Variants in GABRB2 observed in about 807,000 individuals in gnomAD.
The protein encoded by GABRB2 is gamma-aminobutyric acid type A receptor subunit beta2.
A neutral mutation model predicts 54.7 loss-of-function variants in GABRB2; 16 were observed. That is an observed-to-expected ratio of 0.29 (90% CI 0.20 to 0.44). The LOEUF (loss-of-function observed/expected upper bound fraction) is 0.44. Among genes scored for constraint, GABRB2 ranks in the 20% least tolerant of loss-of-function variants. The pLI, the probability that GABRB2 is intolerant of heterozygous loss-of-function variation, is 1.00. For synonymous variants in GABRB2, 244 were observed against 233.8 expected, an observed-to-expected ratio of 1.04 and a Z score of -0.40; for missense variants, 355 against 644.0, an observed-to-expected ratio of 0.55 and a Z score of 4.86.
intron 3 of GABRB2, among the ~76,000 whole-genome samples, chr5:161,490,207 C>T (rs1759058299): frequency 2.0e-5 from 3 of 151,718 alleles, no homozygotes; most frequent in South Asian, 2.1e-4. Flanking sequence ...TTTTGTGTTA[C>T]ACATGCCATG....
intron 3 of GABRB2, among the ~76,000 whole-genome samples, chr5:161,476,849 T>C (rs1000813208): frequency 2.0e-5 from 3 of 151,828 alleles, no homozygotes; most frequent in Non-Finnish European, 4.4e-5. Context: ...TAGAAGAAAG[T>C]ACAGAGAAAA....
chr5:161,409,937 C>A (rs765756604), intron 5 of GABRB2, among the ~76,000 whole-genome samples: 23 of 152,070 alleles, frequency 1.5e-4, no homozygotes, highest in Non-Finnish European at 2.8e-4. Context: ...TTCAAAAATA[C>A]ATGTAATTTA....
At chr5:161,478,247 A>T (rs189293300) in intron 3 of GABRB2, among the ~76,000 whole-genome samples, 1 of 152,156 alleles carries the variant, frequency 6.6e-6, no homozygotes, top group East Asian at 1.9e-4. Context: ...AAGGGAAGAC[A>T]TGTAAGGGAA....
intron 4 of GABRB2, among the ~76,000 whole-genome samples, chr5:161,434,390 A>G (rs1757254222): frequency 6.6e-6 from 1 of 152,212 alleles, no homozygotes; most frequent in South Asian, 2.1e-4. Flanking sequence ...ATTATCAGTG[A>G]CATCCCTTCC....
At chr5:161,366,863 G>A (rs1241285713) in intron 5 of GABRB2, among the ~76,000 whole-genome samples, 1 of 152,084 alleles carries the variant, frequency 6.6e-6, no homozygotes, top group African/African-American at 2.4e-5. Context: ...CTGGTGAATC[G>A]CTTGAACCTG....
chr5:161,409,768 C>T (rs776643834), intron 5 of GABRB2, among the ~76,000 whole-genome samples: 4 of 151,960 alleles, frequency 2.6e-5, no homozygotes, highest in Non-Finnish European at 2.9e-5. Flanking sequence ...AAATTGTAGC[C>T]GTAAGTTTAG....
chr5:161,440,759 A>G (rs1238268228), intron 4 of GABRB2, among the ~76,000 whole-genome samples: 1 of 152,184 alleles, frequency 6.6e-6, no homozygotes, highest in Admixed American at 6.6e-5. Context: ...TGGTACTGGC[A>G]TAGAAACAGA....
chr5:161,486,808 G>A (rs751846628), intron 3 of GABRB2, among the ~76,000 whole-genome samples: 6 of 151,886 alleles, frequency 4.0e-5, no homozygotes, highest in Non-Finnish European at 8.8e-5. Flanking sequence ...GCACTCTTCT[G>A]TTTTCCAAAT....
chr5:161,463,555 T>TAGATATATATATATA (rs1236064276), intron 3 of GABRB2, among the ~76,000 whole-genome samples: 5 of 23,710 alleles, frequency 2.1e-4, no homozygotes, highest in African/African-American at 7.1e-4. Flanking sequence ...ATATTTTTAT[T>TAGATATATATATATA]TATATATATA....
intron 3 of GABRB2, among the ~76,000 whole-genome samples, chr5:161,494,549 G>A (rs1424232154): frequency 7.3e-5 from 11 of 151,292 alleles, no homozygotes; most frequent in African/African-American, 1.5e-4. Flanking sequence ...GTGTGTGTGT[G>A]TGTGTGTGTG....
intron 9 of GABRB2, among the ~76,000 whole-genome samples, chr5:161,302,601 T>C (rs1757570872): frequency 6.6e-6 from 1 of 152,146 alleles, no homozygotes; most frequent in South Asian, 2.1e-4. Flanking sequence ...ATTGTAAAAA[T>C]CCAAGAAATC....
chr5:161,443,496 A>G (rs3923773), intron 4 of GABRB2, among the ~76,000 whole-genome samples: 64,874 of 152,038 alleles, frequency 0.43, 15,262 homozygotes, highest in African/African-American at 0.64. Context: ...ATAAATATTC[A>G]ACCTAAAACC....
Position 161,294,174 on chromosome 5 carries a change from A to G in GABRB2, c.1446T>C (p.Thr482=), listed in dbSNP as rs746941971. Residue 482 remains threonine (T), a synonymous_variant, in exon 10 of 10, where the codon ACT becomes ACC. Coordinates refer to ENST00000393959, the MANE Select transcript of GABRB2 (RefSeq NM_001371727.1). ...ACCACCGATCTATGGCATTCACATC[A>G]GTCAAGTCAGGGATGGTGATTTTCA... ...SQLKITIPDL[T]DVNAIDRWSR... 6.2e-7 allele frequency: 1 copy of G among 1,614,168 alleles called. No individual in the cohort carries two copies. The highest frequency in any genetic ancestry group is 8.5e-7 in the Non-Finnish European group (1 of 1,180,008).
chr5:161,532,071 A>G (rs1760479465), intron 3 of GABRB2, among the ~76,000 whole-genome samples: 1 of 152,240 alleles, frequency 6.6e-6, no homozygotes, highest in South Asian at 2.1e-4. Context: ...GCACATGGTA[A>G]GAGCTCAACA....
chr5:161,478,151 A>T (rs1301751454), intron 3 of GABRB2, among the ~76,000 whole-genome samples: 3 of 151,978 alleles, frequency 2.0e-5, no homozygotes. Flanking sequence ...TTAATCACAA[A>T]GTCTCTGTTG....
intron 5 of GABRB2, among the ~76,000 whole-genome samples, chr5:161,339,355 C>T (rs1754085577): frequency 6.6e-6 from 1 of 152,068 alleles, no homozygotes; most frequent in Non-Finnish European, 1.5e-5. Flanking sequence ...ATACTAAGCA[C>T]TTTGTTAACT....
In GABRB2 at chr5:161,294,244, T is replaced by C. The variant is rs761178093; in HGVS notation, c.1376A>G (p.His459Arg). 1.2e-6 allele frequency: 2 copies of C among 1,614,180 alleles called. No individual in the cohort carries two copies. The highest frequency in any genetic ancestry group is 1.1e-5 in the South Asian group (1 of 91,086). The change falls in exon 10 of 10, where the codon CAT (histidine) becomes CGT (arginine). Residue 459 changes from histidine (H) to arginine (R), a missense_variant. Transcript: ENST00000393959. ...HSFGRNALER[H>R]VAQKKSRLRR... Reference sequence around the variant, plus strand: ...CAGGCGACTTTTCTTTTGCGCCACATGTCGTTCCAGAGCATTTCGGCCAAA... The same window carrying C: ...CAGGCGACTTTTCTTTTGCGCCACACGTCGTTCCAGAGCATTTCGGCCAAA...
chr5:161,323,752 C>T (rs1400616882), intron 9 of GABRB2, among the ~76,000 whole-genome samples: 3 of 152,128 alleles, frequency 2.0e-5, no homozygotes, highest in Non-Finnish European at 4.4e-5. Context: ...GTTTCTTCCT[C>T]ATTTGTGGGA....
At chr5:161,511,866 C>G (rs542435216) in intron 3 of GABRB2, among the ~76,000 whole-genome samples, 167 of 152,074 alleles carry the variant, frequency 1.1e-3, no homozygotes, top group Non-Finnish European at 2.0e-3. Flanking sequence ...CCTTCCTAAC[C>G]TCACTTTAAC....
Sources: allele counts gnomAD v4.1 joint callset (sites outside exome capture counted in the v4.1 genomes callset), GRCh38; gene constraint gnomAD v4.1.1; transcripts MANE v1.5; gene names NCBI Gene and HGNC (gene_info 2026-07-23, HGNC 2026-07-21).